SMYD4: variants seen among roughly 807,000 people sequenced by gnomAD.
SMYD4 encodes the protein protein-lysine N-methyltransferase SMYD4.
A neutral mutation model predicts 72.8 loss-of-function variants in SMYD4; 68 were observed. That is an observed-to-expected ratio of 0.93 (90% confidence interval 0.77 to 1.14). The LOEUF (loss-of-function observed/expected upper bound fraction) is 1.14. SMYD4 is among the 50% of genes most tolerant of loss of function. SMYD4 has a pLI of 0.00. For synonymous variants in SMYD4, 407 were observed against 388.6 expected (o/e 1.05, Z -0.56); for missense variants, 984 against 1,003.7 (o/e 0.98, Z 0.27).
At chr17:1,827,829 A>C (rs1911271200) in intron 2 of SMYD4, 32 bp downstream of exon 2, 1 of 1,574,762 alleles carries the variant, frequency 6.4e-7, no homozygotes, top group African/African-American at 1.4e-5. Context: ...TTTTTGGCTC[A>C]CAATTCCCTT....
At chr17:1,789,714 G>A (rs375101426) in intron 5 of SMYD4, among the ~76,000 whole-genome samples, 11 of 133,564 alleles carry the variant, frequency 8.2e-5, no homozygotes, top group East Asian at 4.5e-4. Flanking sequence ...GCAGTGAGCC[G>A]AGATCGCACC....
At chr17:1,821,514 C>CA (rs954101186) in intron 2 of SMYD4, among the ~76,000 whole-genome samples, 3 of 151,032 alleles carry the variant, frequency 2.0e-5, no homozygotes, top group African/African-American at 7.3e-5. Flanking sequence ...AACTCTGTCT[C>CA]AAAAAAACAA....
intron 7 of SMYD4, 53 bp from the exon 8 acceptor site, chr17:1,784,514 C>T (rs946537156): frequency 5.6e-6 from 9 of 1,608,138 alleles, no homozygotes; most frequent in East Asian, 2.2e-5. Flanking sequence ...TTATCAACAC[C>T]GCCTGTGCTT....
Position 1,800,047 on chromosome 17 carries a change from T to C in SMYD4, c.1347A>G (p.Ala449=). The change falls in exon 5 of 11, where the codon GCA becomes GCG. Residue 449 remains alanine, a synonymous_variant. Transcript: ENST00000305513. ...HKFLCALCVS[A]LCRQLEAASL... ...TGGCTGCTTCTAGCTGTCTGCACAG[T>C]GCAGAAACACAGAGAGCACAGAGGA... 4.3e-6 allele frequency: 7 copies of C among 1,613,758 alleles called. No homozygotes were observed. The highest frequency in any genetic ancestry group is 5.9e-6 in the Non-Finnish European group (7 of 1,179,768).
chr17:1,819,199 A>G (rs1316639140), intron 2 of SMYD4, among the ~76,000 whole-genome samples: 2 of 152,132 alleles, frequency 1.3e-5, no homozygotes, highest in Admixed American at 1.3e-4. Context: ...TCTACTAAAA[A>G]TACAAAAATT....
At chr17:1,795,184 T>C (rs538416798) in intron 5 of SMYD4, among the ~76,000 whole-genome samples, 16 of 63,772 alleles carry the variant, frequency 2.5e-4, no homozygotes, top group Admixed American at 7.1e-4. Flanking sequence ...TTTGTTGTTG[T>C]TCCCAGTGGG....
chr17:1,824,160 T>C (rs1392860836), intron 2 of SMYD4, among the ~76,000 whole-genome samples: 1 of 152,074 alleles, frequency 6.6e-6, no homozygotes, highest in African/African-American at 2.4e-5. Flanking sequence ...CTGGCCAACA[T>C]GGTAAAACCC....
At chr17:1,812,962 A>G (rs1675053135) in intron 2 of SMYD4, among the ~76,000 whole-genome samples, 1 of 148,816 alleles carries the variant, frequency 6.7e-6, no homozygotes, top group Non-Finnish European at 1.5e-5. Context: ...TTTTTGAGAC[A>G]GAGTTTCGCT....
Position 1,783,439 on chromosome 17 carries a change from G to A in SMYD4, c.2058C>T (p.Asp686=), listed in dbSNP as rs1428555607. ...AVQRLSGCQR[D]AESFLWAEHA... ...GCTCTGCCCACAGGAAGCTCTCGGC[G>A]TCACGCTGGCACCCCGACAGCCGCT... Residue 686 remains aspartate (D), a synonymous_variant, in exon 9 of 11, where the codon GAC becomes GAT. Coordinates refer to ENST00000305513, the MANE Select transcript of SMYD4 (RefSeq NM_052928.3). 6.2e-6 allele frequency: 10 copies of A among 1,612,058 alleles called. No individual in the cohort carries two copies. Among genetic ancestry groups the A allele is most frequent in the African/African-American group, 2.7e-5 (2 of 74,904 alleles).
intron 3 of SMYD4, among the ~76,000 whole-genome samples, chr17:1,805,748 G>A (rs1909997249): frequency 6.6e-6 from 1 of 151,706 alleles, no homozygotes; most frequent in South Asian, 2.1e-4. Flanking sequence ...GGAAGCAGAG[G>A]TTGCAGGGAG....
intron 5 of SMYD4, among the ~76,000 whole-genome samples, chr17:1,787,926 T>G (rs1908794363): frequency 6.6e-6 from 1 of 152,162 alleles, no homozygotes; most frequent in Admixed American, 6.6e-5. Context: ...TTCTAGATAG[T>G]TTCATAATGT....
intron 2 of SMYD4, among the ~76,000 whole-genome samples, chr17:1,826,514 A>AAAAAAAAAAAAAAAAAAAAAAAAAG (rs1911185507): frequency 9.4e-6 from 1 of 105,842 alleles, no homozygotes; most frequent in African/African-American, 3.1e-5. Context: ...AAAAAAAAAA[A>AAAAAAAAAAAAAAAAAAAAAAAAAG]AAAAGAAAAG....
At chr17:1,814,831 A>G (rs72822481) in intron 2 of SMYD4, 19,015 of 152,094 alleles carry the variant, frequency 0.13, 1,422 homozygotes, top group African/African-American at 0.2. Flanking sequence ...AAACTAGGAA[A>G]GATTTTATTT....
In SMYD4 at chr17:1,787,592, C is replaced by T; in HGVS notation, c.1550G>A (p.Ser517Asn). 6.3e-7 allele frequency: 1 copy of T among 1,588,818 alleles called. No homozygotes were observed. ...TTIQHTGPKGSIVTDSRQVRL... is the reference protein window; with the variant it reads ...TTIQHTGPKGNIVTDSRQVRL... Reference sequence around the variant, plus strand: ...CACCTGCCTGCTGTCGGTAACGATGCTCCCTTTAGGTCCTGAAAGGGCAAG... The same window carrying T: ...CACCTGCCTGCTGTCGGTAACGATGTTCCCTTTAGGTCCTGAAAGGGCAAG... Residue 517 changes from serine (S) to asparagine (N), a missense_variant, in exon 6 of 11, where the codon AGC (serine) becomes AAC (asparagine). Transcript: ENST00000305513.
intron 5 of SMYD4, among the ~76,000 whole-genome samples, chr17:1,790,338 A>G (rs1908952488): frequency 6.6e-6 from 1 of 152,214 alleles, no homozygotes; most frequent in Admixed American, 6.5e-5. Flanking sequence ...AAAATTAAGT[A>G]TTGATTTTTA....
At chr17:1,810,105 G>C (rs1047394574) in intron 3 of SMYD4, among the ~76,000 whole-genome samples, 3 of 152,016 alleles carry the variant, frequency 2.0e-5, no homozygotes, top group African/African-American at 7.2e-5. Context: ...AAGAATAATA[G>C]ATTACTAATT....
intron 5 of SMYD4, among the ~76,000 whole-genome samples, chr17:1,798,024 C>G (rs933964538): frequency 1.3e-5 from 2 of 151,822 alleles, no homozygotes; most frequent in African/African-American, 4.8e-5. Context: ...AAAAAAAGGA[C>G]TTTGATACCT....
In SMYD4 at chr17:1,786,846, T is replaced by A; in HGVS notation, c.1848A>T (p.Glu616Asp). ...CTCCGCAACTGTTGCAACAGAATGC[T>A]TCCCACCTGGGCCCTGCAGCCATCC... ...AHRMAAGPRWEAFCCNSCGAP... is the reference protein window; with the variant it reads ...AHRMAAGPRWDAFCCNSCGAP... Residue 616 changes from glutamate to aspartate, a missense_variant, in exon 7 of 11, where the codon GAA (glutamate) becomes GAT (aspartate). Physicochemically the swap from Glu to Asp is conservative, Grantham distance 45. Transcript: ENST00000305513. The A allele has an allele frequency of 6.2e-7, 1 of 1,614,208 alleles. No homozygotes were observed. Among genetic ancestry groups the A allele is most frequent in the Non-Finnish European group, 8.5e-7 (1 of 1,180,032 alleles).
In SMYD4 at chr17:1,829,829, G is replaced by C. The variant is rs1911439210; in HGVS notation, c.-116C>G. The C allele has an allele frequency of 7.2e-6, 2 of 278,366 alleles. No individual in the cohort carries two copies. Among genetic ancestry groups the C allele is most frequent in the Admixed American group, 1.1e-4 (2 of 18,756 alleles). 17.2% of individuals were successfully genotyped at this position (278,366 alleles called of 1,614,324 possible). On this transcript the variant is annotated 5_prime_UTR_variant, in exon 1 of 11. Transcript: ENST00000305513. ...TCCCAGCGCCCGCGCAGCTCCTGGC[G>C]CGCCCCTTGGCGCCCCGCTCCGCCC... is the stretch of plus-strand genomic sequence containing the variant.
Sources: gnomAD v4.1 joint callset for allele counts (sites outside exome capture counted in the v4.1 genomes callset) on GRCh38, gnomAD v4.1.1 for gene constraint, MANE v1.5 for transcripts, NCBI Gene and HGNC (gene_info 2026-07-23, HGNC 2026-07-21) for gene names.